The following SUGCT variants were observed in gnomAD, a reference collection of about 807,000 sequenced individuals.
SUGCT encodes succinyl-CoA:glutarate-CoA transferase.
A neutral mutation model predicts 55.0 loss-of-function variants in SUGCT; 41 were observed. The ratio of observed to expected loss-of-function variants is 0.74; its 90% CI spans 0.58 to 0.97. The LOEUF (loss-of-function observed/expected upper bound fraction) is 0.97, where lower values mean the gene tolerates loss of function less well. Ranked by LOEUF, SUGCT falls within the 50% of genes least tolerant of loss-of-function variation. The pLI, the probability that SUGCT is intolerant of heterozygous loss-of-function variation, is 0.00. For missense variants in SUGCT, 568 were observed against 547.8 expected, an observed-to-expected ratio of 1.04 and a Z score of -0.37; for synonymous variants, 187 against 200.4, an observed-to-expected ratio of 0.93 and a Z score of 0.56.
rs1791521253 is a variant in SUGCT, at chr7:40,488,711, T to A, written c.987-7573T>A. On this transcript the variant is annotated intron_variant, in intron 11 of 13. Coordinates refer to ENST00000335693, the MANE Select transcript of SUGCT (RefSeq NM_001193313.2). The stretch of plus-strand genomic sequence containing the variant: ...AGAAAAGTCTTTATTTCTCCTTTAT[T>A]TCTGAAGGATAACATGCTGGGTACA... Among the ~76,000 whole-genome samples, 3 of 152,166 alleles carry A rather than the reference T, an allele frequency of 2.0e-5. No individual in the cohort carries two copies. The South Asian group carries it at 6.2e-4, about 32-fold the overall frequency.
intron 7 of SUGCT, among the ~76,000 whole-genome samples, chr7:40,268,894 C>A (rs1451921022): frequency 6.6e-6 from 1 of 152,154 alleles, no homozygotes; most frequent in Non-Finnish European, 1.5e-5. Context: ...GCCTCAGGCT[C>A]CCAAAGTGCT....
chr7:40,274,261 C>A (rs546657246), intron 7 of SUGCT, among the ~76,000 whole-genome samples: 1 of 151,626 alleles, frequency 6.6e-6, no homozygotes, highest in Non-Finnish European at 1.5e-5. Flanking sequence ...TCTAAAAAAT[C>A]TTTTATTTTT....
At chr7:40,267,657 G>A (rs1391786309) in intron 7 of SUGCT, among the ~76,000 whole-genome samples, 2 of 152,090 alleles carry the variant, frequency 1.3e-5, no homozygotes, top group African/African-American at 4.8e-5. Flanking sequence ...GATGTGGAAG[G>A]GGGTTGTACC....
chr7:40,795,830 G>T (rs931663011), intron 13 of SUGCT, among the ~76,000 whole-genome samples: 4 of 152,180 alleles, frequency 2.6e-5, no homozygotes, highest in African/African-American at 9.7e-5. Context: ...TTGGGAAGGT[G>T]AAGTGCAATG....
intron 12 of SUGCT, among the ~76,000 whole-genome samples, chr7:40,609,487 A>C (rs1798674911): frequency 6.6e-6 from 1 of 151,458 alleles, no homozygotes; most frequent in Non-Finnish European, 1.5e-5. Context: ...GAATGGCATG[A>C]ACCTGGGAGG....
At chr7:40,260,684 C>T (rs1791161834) in intron 7 of SUGCT, among the ~76,000 whole-genome samples, 1 of 152,178 alleles carries the variant, frequency 6.6e-6, no homozygotes, top group Non-Finnish European at 1.5e-5. Flanking sequence ...TGGTGTCTCA[C>T]TCTGTTGCCC....
rs370285871 is a variant in SUGCT, at chr7:40,349,036, G to T, written c.816+32181G>T. Reference sequence around the variant, plus strand: ...CTGTTCTCTTTCTTTTATATTGTGGGATATTTCTATAGGTCTTTTCCACCC... The same window carrying T: ...CTGTTCTCTTTCTTTTATATTGTGGTATATTTCTATAGGTCTTTTCCACCC... On this transcript the variant is annotated intron_variant, in intron 9 of 13. Transcript: ENST00000335693. Among the ~76,000 whole-genome samples, 4 of 152,138 alleles carry T rather than the reference G, an allele frequency of 2.6e-5. No individual in the cohort carries two copies. The East Asian group carries it at 7.7e-4, about 29-fold the overall frequency.
the SUGCT span, among the ~76,000 whole-genome samples, chr7:40,940,662 C>A: frequency 6.6e-6 from 1 of 151,502 alleles, no homozygotes; most frequent in Non-Finnish European, 1.5e-5. Context: ...GGATTGAGTT[C>A]TTGATTTCAT....
chr7:40,610,466 T>C (rs907556305), intron 12 of SUGCT, among the ~76,000 whole-genome samples: 3 of 152,196 alleles, frequency 2.0e-5, no homozygotes, highest in African/African-American at 7.2e-5. Flanking sequence ...GTCTTTTATT[T>C]TGTTGTCTAT....
intron 11 of SUGCT, among the ~76,000 whole-genome samples, chr7:40,484,747 C>A (rs1040274323): frequency 1.3e-5 from 2 of 152,092 alleles, no homozygotes; most frequent in African/African-American, 2.4e-5. Context: ...TAATGTAGCA[C>A]TAAGATACTG....
chr7:40,686,616 T>A (rs549456661), intron 12 of SUGCT, among the ~76,000 whole-genome samples: 2 of 151,914 alleles, frequency 1.3e-5, no homozygotes, highest in South Asian at 4.2e-4. Context: ...GGCTTTTTCA[T>A]TGAAGGACCC....
intron 13 of SUGCT, among the ~76,000 whole-genome samples, chr7:40,834,529 G>A (rs893716621): frequency 2.0e-5 from 3 of 152,102 alleles, no homozygotes; most frequent in Non-Finnish European, 4.4e-5. Context: ...ATTTATTGGT[G>A]GGGTTACTAA....
chr7:40,850,006 A>T (rs1793771466), intron 13 of SUGCT, among the ~76,000 whole-genome samples: 1 of 152,104 alleles, frequency 6.6e-6, no homozygotes, highest in Non-Finnish European at 1.5e-5. Flanking sequence ...TCATTTGAAA[A>T]CAGGAGGTAA....
intron 9 of SUGCT, among the ~76,000 whole-genome samples, chr7:40,420,877 G>A (rs183575628): frequency 9.4e-4 from 143 of 152,066 alleles, no homozygotes; most frequent in Non-Finnish European, 1.6e-3. Context: ...GCATTGATAA[G>A]GTCTCTTCTC....
At chr7:40,994,499 G>C in the SUGCT span, among the ~76,000 whole-genome samples, 1 of 151,656 alleles carries the variant, frequency 6.6e-6, no homozygotes, top group African/African-American at 2.4e-5. Flanking sequence ...AAAGAGATTG[G>C]AGCACATGCT....
At chr7:40,327,381 T>C (rs1043836892) in intron 9 of SUGCT, among the ~76,000 whole-genome samples, 3 of 152,220 alleles carry the variant, frequency 2.0e-5, no homozygotes, top group African/African-American at 7.2e-5. Context: ...AGCTGCGGCA[T>C]AATAGCTGCC....
chr7:40,447,345 A>C (rs1224022065), intron 9 of SUGCT, among the ~76,000 whole-genome samples: 4 of 152,190 alleles, frequency 2.6e-5, no homozygotes, highest in Non-Finnish European at 4.4e-5. Context: ...AGGAGAAGAA[A>C]ATCCTGCAGA....
At chr7:40,692,052 G>T (rs1262291125) in intron 12 of SUGCT, among the ~76,000 whole-genome samples, 2 of 152,116 alleles carry the variant, frequency 1.3e-5, no homozygotes, top group African/African-American at 4.8e-5. Flanking sequence ...CAAAAATTGT[G>T]CTGTTTCGCT....
the SUGCT span, among the ~76,000 whole-genome samples, chr7:40,986,936 A>G: frequency 2.0e-5 from 3 of 152,242 alleles, no homozygotes; most frequent in Non-Finnish European, 4.4e-5. Flanking sequence ...CTGTTTATCC[A>G]CAAATGTTAT....
Sources: gnomAD v4.1 joint callset for allele counts (sites outside exome capture counted in the v4.1 genomes callset) on GRCh38, gnomAD v4.1.1 for gene constraint, MANE v1.5 for transcripts, NCBI Gene and HGNC (gene_info 2026-07-23, HGNC 2026-07-21) for gene names.